The following CRACR2B variants were observed in gnomAD, a reference collection of about 807,000 sequenced individuals.
CRACR2B encodes the protein calcium release activated channel regulator 2B.
In CRACR2B, 50 loss-of-function variants were observed where a neutral mutation model predicts 46.0. The ratio of observed to expected loss-of-function variants is 1.09; its 90% CI spans 0.87 to 1.38. CRACR2B has a LOEUF of 1.38. Among genes scored for constraint, CRACR2B ranks in the 40% most tolerant of loss-of-function variants. The pLI is 0.00. For synonymous variants in CRACR2B, 277 were observed against 239.6 expected, an observed-to-expected ratio of 1.16 and a Z score of -1.44; for missense variants, 667 against 535.0, an observed-to-expected ratio of 1.25 and a Z score of -2.43.
In CRACR2B at chr11:830,907, G is replaced by A. The variant is rs1846357878; in HGVS notation, c.828G>A (p.Glu276=). The part of the protein sequence containing the change: ...QLHAQAAEHL[E]AQAQNSQLWR... The stretch of plus-strand genomic sequence containing the variant: ...ACGCCCAGGCTGCGGAGCACCTGGA[G>A]GCACAGGCCCAGAACTCCCAGCTGT... Residue 276 remains glutamate (E), a synonymous_variant, in exon 7 of 9, where the codon GAG becomes GAA. Coordinates refer to ENST00000525077, the MANE Select transcript of CRACR2B (RefSeq NM_001286606.2). The A allele has an allele frequency of 6.5e-7, 1 of 1,532,174 alleles. No individual in the cohort carries two copies. The highest frequency in any genetic ancestry group is 2.4e-5 in the East Asian group (1 of 40,860). 94.9% of individuals were successfully genotyped at this position (1,532,174 alleles called of 1,614,324 possible).
Position 831,317 on chromosome 11 carries a change from A to G in CRACR2B, c.1025+22A>G, listed in dbSNP as rs779866092. On this transcript the variant is annotated intron_variant, in intron 8 of 8. Transcript: ENST00000525077. Reference sequence around the variant, plus strand: ...TCAGGTACGGTCAGGCTCAGGCCCGAGAGGGAATGGGCTCAGCGGAGCTTG... The same window carrying G: ...TCAGGTACGGTCAGGCTCAGGCCCGGGAGGGAATGGGCTCAGCGGAGCTTG... 1.9e-6 allele frequency: 3 copies of G among 1,594,384 alleles called. No individual in the cohort carries two copies. In the Admixed American group the frequency reaches 5.7e-5, roughly 30 times the overall value.
Position 830,357 on chromosome 11 carries a change from C to G in CRACR2B, c.693+20C>G. 6.5e-7 allele frequency: 1 copy of G among 1,536,244 alleles called. No homozygotes were observed. The highest frequency in any genetic ancestry group is 8.7e-7 in the Non-Finnish European group (1 of 1,146,090). Reference sequence around the variant, plus strand: ...AGTCAGGTGGGCCTCGGGCCCCGCCCCTCCCGCCAGGCCCAATCCCACCTC... The same window carrying G: ...AGTCAGGTGGGCCTCGGGCCCCGCCGCTCCCGCCAGGCCCAATCCCACCTC... On this transcript the variant is annotated intron_variant, in intron 5 of 8. Coordinates refer to ENST00000525077, the MANE Select transcript of CRACR2B (RefSeq NM_001286606.2).
Position 828,534 on chromosome 11 carries a change from T to C in CRACR2B, c.-74T>C. ...TCAGACACACTTGCACCCCATCCGC[T>C]CCCCTCCTGAATTTCTTCTGACCCT... On this transcript the variant is annotated 5_prime_UTR_variant, in exon 1 of 9. Transcript: ENST00000525077. 1 of 1,475,626 alleles carries C rather than the reference T, an allele frequency of 6.8e-7. No homozygotes were observed. The allele number at this position is 1,475,626 out of a possible 1,614,324, so 91.4% of individuals were successfully genotyped here.
chr11:831,932 A>C lies in CRACR2B; in HGVS notation c.*223A>C, dbSNP rs1846487449. The C allele has an allele frequency of 2.0e-6, 1 of 509,692 alleles. No individual in the cohort carries two copies. Among genetic ancestry groups the C allele is most frequent in the Non-Finnish European group, 3.4e-6 (1 of 296,892 alleles). 31.6% of individuals were successfully genotyped at this position (509,692 alleles called of 1,614,324 possible). A position where few individuals can be genotyped will look rare whatever the true frequency, so the allele number is the denominator to read the frequency against. ...TCTTCGCTCTGTCCCCGTTCAATCAACCCCATCTCAGTTCAGCAGAAAACC... is the reference window on the plus strand; with the variant it reads ...TCTTCGCTCTGTCCCCGTTCAATCACCCCCATCTCAGTTCAGCAGAAAACC... On this transcript the variant is annotated 3_prime_UTR_variant, in exon 9 of 9. Transcript: ENST00000525077.
At position 830,932 on chromosome 11, in the gene CRACR2B, T is replaced by G; in HGVS notation, c.853T>G (p.Trp285Gly). Residue 285 changes from tryptophan to glycine, a missense_variant, in exon 7 of 9, where the codon TGG becomes GGG. Coordinates refer to ENST00000525077, the MANE Select transcript of CRACR2B (RefSeq NM_001286606.2). ...GGCACAGGCCCAGAACTCCCAGCTG[T>G]GGCGGGCGCACGAGGCGCTGCGAAC... ...LEAQAQNSQL[W>G]RAHEALRTQL... 1 of 1,531,698 alleles carries G rather than the reference T, an allele frequency of 6.5e-7. No homozygotes were observed. The highest frequency in any genetic ancestry group is 8.7e-7 in the Non-Finnish European group (1 of 1,145,460). 94.9% of individuals were successfully genotyped at this position (1,531,698 alleles called of 1,614,324 possible).
At position 830,060 on chromosome 11, in the gene CRACR2B, T is replaced by A; in HGVS notation, c.533T>A (p.Val178Asp). Residue 178 changes from valine (V) to aspartate (D), a missense_variant, in exon 4 of 9, where the codon GTT (valine) becomes GAT (aspartate). Transcript: ENST00000525077. ...GAGCTGCTGGGCTCTTTCGAGGATG[T>A]TCTGATACGCGCGTCGGCCTGCCTG... Reference protein sequence around the residue: ...RPELLGSFEDVLIRASACLEE... With the variant: ...RPELLGSFEDDLIRASACLEE... The A allele has an allele frequency of 6.4e-7, 1 of 1,559,780 alleles. No homozygotes were observed.
chr11:831,829 C>CA lies in CRACR2B; in HGVS notation c.*120_*121insA. The CA allele has an allele frequency of 7.1e-6, 9 of 1,268,062 alleles. No individual in the cohort carries two copies. The highest frequency in any genetic ancestry group is 9.3e-6 in the Non-Finnish European group (9 of 963,520). 78.6% of individuals were successfully genotyped at this position (1,268,062 alleles called of 1,614,324 possible). On this transcript the variant is annotated 3_prime_UTR_variant, in exon 9 of 9. Transcript: ENST00000525077. ...CCCAGTGGGCCCCAGGCTCGCCTGA[C>CA]TGAAGACATGAAGGACCTAGCCTAG...
Position 829,518 on chromosome 11 carries a change from G to C in CRACR2B, c.436G>C (p.Gly146Arg), listed in dbSNP as rs577338588. The C allele has an allele frequency of 1.0e-4, 165 of 1,597,834 alleles. No homozygotes were observed. The South Asian group carries it at 1.7e-3, about 17-fold the overall frequency. The change falls in exon 3 of 9, where the codon GGG becomes CGG. Residue 146 changes from glycine to arginine, a missense_variant. Transcript: ENST00000525077. ...ERFHTVLEQL[G>R]VAPVLGKQRA... ...ATTCCACACTGTGCTGGAGCAGCTG[G>C]GGGTGGCCCCGGTCCTGGGCAAGTG...
rs757700011 is a variant in CRACR2B at position 828,768 on chromosome 11, T to C, written c.161T>C (p.Leu54Pro). 4.3e-6 allele frequency: 7 copies of C among 1,613,330 alleles called. No homozygotes were observed. The highest frequency in any genetic ancestry group is 1.3e-5 in the African/African-American group (1 of 74,926). Residue 54 changes from leucine (L) to proline (P), a missense_variant, in exon 1 of 9, where the codon CTG (leucine) becomes CCG (proline). Physicochemically the swap from Leu to Pro is moderately conservative, Grantham distance 98. Transcript: ENST00000525077. ...AAGGGCTTCATCACCAAGCACGACC[T>C]GCAGGTGAGTCCCCCACCCCAAGAG... Reference protein sequence around the residue: ...EAKGFITKHDLQGLQSDLPLT... With the variant: ...EAKGFITKHDPQGLQSDLPLT...
chr11:831,762 C>T lies in CRACR2B; in HGVS notation c.*53C>T. 2 of 1,462,806 alleles carry T rather than the reference C, an allele frequency of 1.4e-6. No individual in the cohort carries two copies. The highest frequency in any genetic ancestry group is 1.8e-6 in the Non-Finnish European group (2 of 1,117,022). 90.6% of individuals were successfully genotyped at this position (1,462,806 alleles called of 1,614,324 possible). ...AGCTAGAAGCTGCCCTTGCAGGAGG[C>T]TTGTCATGGGTCGGGGGTGCCCACT... On this transcript the variant is annotated 3_prime_UTR_variant, in exon 9 of 9. Coordinates refer to ENST00000525077, the MANE Select transcript of CRACR2B (RefSeq NM_001286606.2).
intron 7 of CRACR2B, 26 bp downstream of exon 7, chr11:831,058 C>T: frequency 1.3e-6 from 2 of 1,535,858 alleles, no homozygotes; most frequent in Non-Finnish European, 8.7e-7. Flanking sequence ...GCTGGGCGGG[C>T]CCCGGTGCGT....
rs765049710 is a variant in CRACR2B at position 829,443 on chromosome 11, G to C, written c.361G>C (p.Val121Leu). Residue 121 changes from valine to leucine, a missense_variant, in exon 3 of 9, where the codon GTG (valine) becomes CTG (leucine). Val to Leu is a conservative substitution (Grantham distance 32). Coordinates refer to ENST00000525077, the MANE Select transcript of CRACR2B (RefSeq NM_001286606.2). ...EETFESGGLD[V>L]QGTAGSLDEE... Reference sequence around the variant, plus strand: ...GACCTTTGAGTCGGGCGGGCTCGACGTGCAGGGCACGGCGGGCTCTCTGGA... The same window carrying C: ...GACCTTTGAGTCGGGCGGGCTCGACCTGCAGGGCACGGCGGGCTCTCTGGA... 6.2e-7 allele frequency: 1 copy of C among 1,610,858 alleles called. No individual in the cohort carries two copies. The highest frequency in any genetic ancestry group is 2.2e-5 in the East Asian group (1 of 44,806).
upstream of CRACR2B, among the ~76,000 whole-genome samples, chr11:826,813 C>A (rs539140990): frequency 2.0e-5 from 3 of 152,360 alleles, no homozygotes; most frequent in African/African-American, 4.8e-5. Context: ...AGGCGCCCGG[C>A]CTACATGTTT....
At chr11:826,754 A>T (rs1011685899), upstream of CRACR2B, among the ~76,000 whole-genome samples, 1 of 151,482 alleles carries the variant, frequency 6.6e-6, no homozygotes, top group Admixed American at 6.6e-5. Context: ...CGAACTCCTG[A>T]CCTCAGGTGA....
At chr11:829,145 C>T in intron 2 of CRACR2B, 182 bp downstream of exon 2, 1 of 1,264,030 alleles carries the variant, frequency 7.9e-7, no homozygotes, top group Non-Finnish European at 1.1e-6. Flanking sequence ...GTGGAGCTGA[C>T]CTTCCTGGCC....
chr11:829,264 C>T lies in CRACR2B; in HGVS notation c.278-96C>T, dbSNP rs1167052789. ...AAGGAAGGAAAACAGGAAACTGGGCCCTGAGAGAGGGCAGGATACTCGTTG... is the reference window on the plus strand; with the variant it reads ...AAGGAAGGAAAACAGGAAACTGGGCTCTGAGAGAGGGCAGGATACTCGTTG... On this transcript the variant is annotated intron_variant, in intron 2 of 8. Transcript: ENST00000525077. 8.0e-6 allele frequency: 12 copies of T among 1,495,226 alleles called. No individual in the cohort carries two copies. The East Asian group carries it at 9.9e-5, about 12-fold the overall frequency. 92.6% of individuals were successfully genotyped at this position (1,495,226 alleles called of 1,614,324 possible). A position where few individuals can be genotyped will look rare whatever the true frequency, so the allele number is the denominator to read the frequency against.
chr11:830,520 C>T, intron 5 of CRACR2B, 101 bp from the exon 6 acceptor site: 2 of 1,541,658 alleles, frequency 1.3e-6, no homozygotes, highest in South Asian at 2.4e-5. Flanking sequence ...TCCACCCGAC[C>T]CCGCTCCGCC....
Position 831,008 on chromosome 11 carries a change from G to C in CRACR2B, c.929G>C (p.Arg310Pro). 1.3e-6 allele frequency: 2 copies of C among 1,534,010 alleles called. No homozygotes were observed. The highest frequency in any genetic ancestry group is 1.7e-6 in the Non-Finnish European group (2 of 1,146,622). Residue 310 changes from arginine (R) to proline (P), a missense_variant, in exon 7 of 9, where the codon CGA becomes CCA. By Grantham distance (103) the Arg-to-Pro change is moderately radical. Transcript: ENST00000525077. ...ATCCGCAGGCTGGAGAGCGAAGCAC[G>C]AGGCCGCCAGGAGCAAACCCAACGG... The part of the protein sequence containing the change: ...EQIRRLESEA[R>P]GRQEQTQRDV...
intron 2 of CRACR2B, 44 bp from the exon 3 acceptor site, chr11:829,316 G>A (rs1846182557): frequency 6.4e-7 from 1 of 1,558,508 alleles, no homozygotes; most frequent in Non-Finnish European, 8.6e-7. Context: ...CACAGCCACG[G>A]TGGCGACCCA....
Sources: gnomAD v4.1 joint callset for allele counts (sites outside exome capture counted in the v4.1 genomes callset) on GRCh38, gnomAD v4.1.1 for gene constraint, MANE v1.5 for transcripts, NCBI Gene and HGNC (gene_info 2026-07-23, HGNC 2026-07-21) for gene names.